Variants in LPA observed in about 807,000 individuals in gnomAD.
LPA encodes the protein lipoprotein(a).
A neutral mutation model predicts 197.9 loss-of-function variants in LPA; 199 were observed. The observed-to-expected ratio is 1.01, with a 90% CI of 0.90 to 1.13. The LOEUF is 1.13. LPA is among the 50% of genes most tolerant of loss of function. The pLI, the probability that LPA is intolerant of heterozygous loss-of-function variation, is 0.00. For missense variants in LPA, 1,853 were observed against 1,785.8 expected (o/e 1.04, Z -0.68); for synonymous variants, 715 against 639.5 (o/e 1.12, Z -1.78).
At chr6:160,554,008 T>A (rs1778214954) in intron 30 of LPA, among the ~76,000 whole-genome samples, 1 of 151,736 alleles carries the variant, frequency 6.6e-6, no homozygotes, top group Non-Finnish European at 1.5e-5. Context: ...TGGCTTTCAT[T>A]GAGTTATCTT....
intron 7 of LPA, 33 bp downstream of exon 7, chr6:160,635,090 A>G: frequency 8.1e-7 from 1 of 1,230,718 alleles, no homozygotes; most frequent in Middle Eastern, 2.7e-4. Flanking sequence ...CCCAGCATCG[A>G]AGCGTGTAGA....
intron 32 of LPA, 90 bp downstream of exon 32, chr6:160,547,699 T>C (rs1056785360): frequency 1.9e-6 from 3 of 1,578,436 alleles, no homozygotes; most frequent in Non-Finnish European, 2.6e-6. Flanking sequence ...CTTAGCCTCC[T>C]GAAGTCTTTC....
chr6:160,611,500 T>G, intron 16 of LPA, 62 bp downstream of exon 16: 1 of 1,596,720 alleles, frequency 6.3e-7, no homozygotes, highest in Non-Finnish European at 8.5e-7. Context: ...TTGAAGCATG[T>G]CTCTTGTCAC....
chr6:160,575,324 G>A (rs181689281), intron 28 of LPA, among the ~76,000 whole-genome samples: 1 of 151,988 alleles, frequency 6.6e-6, no homozygotes, highest in Admixed American at 6.6e-5. Context: ...AAATGTTTTT[G>A]CTAATTCTAT....
chr6:160,556,605 C>G (rs1235329402), intron 29 of LPA, among the ~76,000 whole-genome samples: 1 of 152,102 alleles, frequency 6.6e-6, no homozygotes, highest in Non-Finnish European at 1.5e-5. Context: ...TCCTGAAAAG[C>G]CAAAGCCTTA....
intron 1 of LPA, among the ~76,000 whole-genome samples, chr6:160,651,591 T>G (rs1242367748): frequency 6.6e-6 from 1 of 152,188 alleles, no homozygotes; most frequent in Admixed American, 6.5e-5. Context: ...TACTGCAATC[T>G]CTACTGTTCC....
chr6:160,533,695 C>G (rs951333070), intron 37 of LPA, among the ~76,000 whole-genome samples: 4 of 152,196 alleles, frequency 2.6e-5, no homozygotes, highest in African/African-American at 9.7e-5. Context: ...TTGCCTCACC[C>G]TTGTGATATT....
chr6:160,607,798 G>A lies in LPA; in HGVS notation c.2604-1140C>T, dbSNP rs566018120. Among the ~76,000 whole-genome samples the A allele has an allele frequency of 7.4e-4, 113 of 152,242 alleles. 2 individuals are homozygous for A. The highest frequency in any genetic ancestry group is 5.6e-4 in the Non-Finnish European group (38 of 68,022). ...CAGGATGTACTAAGAGCCCAAACTC[G>A]TGACAAATTTCTTTCTTCCTTGGCT... On this transcript the variant is annotated intron_variant, in intron 16 of 38. Transcript: ENST00000316300.
chr6:160,571,964 C>T (rs1226442712), intron 28 of LPA, among the ~76,000 whole-genome samples: 1 of 152,218 alleles, frequency 6.6e-6, no homozygotes, highest in Non-Finnish European at 1.5e-5. Flanking sequence ...TGCCCAAATG[C>T]CAGCCCAGTT....
intron 16 of LPA, among the ~76,000 whole-genome samples, chr6:160,607,282 T>C (rs1582882060): frequency 1.3e-5 from 2 of 152,128 alleles, no homozygotes; most frequent in African/African-American, 2.4e-5. Flanking sequence ...AATAGGTTTG[T>C]TTCTGCAAGA....
At chr6:160,569,475 A>G (rs1778523440) in intron 28 of LPA, among the ~76,000 whole-genome samples, 2 of 150,404 alleles carry the variant, frequency 1.3e-5, no homozygotes, top group Admixed American at 1.3e-4. Context: ...TTATATAAAA[A>G]TTAATTCAAG....
At chr6:160,609,385 G>T (rs1236173732) in intron 16 of LPA, among the ~76,000 whole-genome samples, 5 of 152,024 alleles carry the variant, frequency 3.3e-5, no homozygotes, top group African/African-American at 1.2e-4. Flanking sequence ...TTTCTGAGGT[G>T]AACGCATTAG....
At chr6:160,608,254 C>T (rs2115063200) in intron 16 of LPA, among the ~76,000 whole-genome samples, 1 of 152,234 alleles carries the variant, frequency 6.6e-6, no homozygotes, top group Non-Finnish European at 1.5e-5. Context: ...TTACATCAGC[C>T]TGCTGATTCC....
chr6:160,664,016 TAAG>T, intron 1 of LPA, 147 bp downstream of exon 1: 1 of 1,114,108 alleles, frequency 9.0e-7, no homozygotes, highest in Non-Finnish European at 1.3e-6. Context: ...CTTATTTTTT[TAAG>T]AATTTTTCAA....
chr6:160,653,973 TAATATATAATATATAATA>T lies in LPA; in HGVS notation c.50-3494_50-3477del, dbSNP rs1562354417. On this transcript the variant is annotated intron_variant, in intron 1 of 38. Coordinates refer to ENST00000316300, the MANE Select transcript of LPA (RefSeq NM_005577.4). Reference sequence around the variant, plus strand: ...TATTATATATAATATATATTATATATAATATATAATATATAATATATATTATATATAATATATATTATA... The same window carrying T: ...TATTATATATAATATATATTATATATTATATTATATATAATATATATTATA... 1.7e-3 allele frequency among the ~76,000 whole-genome samples: 36 copies of T among 21,112 alleles called. 2 individuals are homozygous for T. Among genetic ancestry groups the T allele is most frequent in the African/African-American group, 5.5e-3 (28 of 5,100 alleles). The allele number at this position is 21,112 out of a possible 152,430, so 13.9% of individuals were successfully genotyped here.
rs1238340881 is a variant in LPA at position 160,586,534 on chromosome 6, C to A, written c.4044G>T (p.Leu1348=). The part of the protein sequence containing the change: ...DPSVRWEYCN[L]TQCPVMESTL... Reference sequence around the variant, plus strand: ...TTGATTCCATCACTGGACATTGCGTCAGGTTGCAGTACTCCCATCTGACAC... The same window carrying A: ...TTGATTCCATCACTGGACATTGCGTAAGGTTGCAGTACTCCCATCTGACAC... The change falls in exon 25 of 39, where the codon CTG becomes CTT. Residue 1348 remains leucine (L), a synonymous_variant. Transcript: ENST00000316300. The A allele has an allele frequency of 1.2e-6, 2 of 1,613,818 alleles. No individual in the cohort carries two copies. Among genetic ancestry groups the A allele is most frequent in the Non-Finnish European group, 1.7e-6 (2 of 1,179,808 alleles).
chr6:160,663,462 T>C (rs537302211), intron 1 of LPA, among the ~76,000 whole-genome samples: 1 of 152,320 alleles, frequency 6.6e-6, no homozygotes, highest in South Asian at 2.1e-4. Flanking sequence ...ACCCTACCTA[T>C]ACCATGAGCT....
chr6:160,588,959 T>C (rs563999069), intron 24 of LPA, among the ~76,000 whole-genome samples: 12 of 152,228 alleles, frequency 7.9e-5, no homozygotes, highest in Non-Finnish European at 1.5e-4. Flanking sequence ...CATGGGTTTC[T>C]GTCCATCTTC....
intron 18 of LPA, 65 bp downstream of exon 18, chr6:160,604,981 A>G (rs1779315718): frequency 6.2e-7 from 1 of 1,604,876 alleles, no homozygotes; most frequent in Non-Finnish European, 8.5e-7. Context: ...AGCTTGAAGC[A>G]TGACTCTACT....
Sources: gnomAD v4.1 joint callset for allele counts (sites outside exome capture counted in the v4.1 genomes callset) on GRCh38, gnomAD v4.1.1 for gene constraint, MANE v1.5 for transcripts, NCBI Gene and HGNC (gene_info 2026-07-23, HGNC 2026-07-21) for gene names.